The following ENTHD1 variants were observed in gnomAD, a reference collection of about 807,000 sequenced individuals.
ENTHD1 encodes the protein ENTH domain containing 1.
A neutral mutation model predicts 39.1 loss-of-function variants in ENTHD1; 23 were observed. The ratio of observed to expected loss-of-function variants is 0.59; its 90% CI spans 0.42 to 0.83. The LOEUF (loss-of-function observed/expected upper bound fraction) is 0.83, where lower values mean the gene tolerates loss of function less well. ENTHD1 is among the 40% of genes least tolerant of loss of function. The pLI is 0.00. For missense variants in ENTHD1, 624 were observed against 705.4 expected (o/e 0.88, Z 1.31); for synonymous variants, 230 against 258.2 (o/e 0.89, Z 1.05).
chr22:39,811,993 CA>C (rs1486158537), intron 5 of ENTHD1, among the ~76,000 whole-genome samples: 1 of 85,228 alleles, frequency 1.2e-5, no homozygotes, highest in African/African-American at 5.6e-5. Flanking sequence ...AAAACAAAAA[CA>C]AAAACAAACA....
In ENTHD1 at chr22:39,861,984, T is replaced by C. The variant is rs769048398; in HGVS notation, c.373A>G (p.Lys125Glu). The change falls in exon 3 of 7, where the codon AAG (lysine) becomes GAG (glutamate). Residue 125 changes from lysine to glutamate, a missense_variant. Coordinates refer to ENST00000325157, the MANE Select transcript of ENTHD1 (RefSeq NM_152512.4). Reference sequence around the variant, plus strand: ...TCCATCAGCAATGTGATGACTTGCTTAGATTTTTCCCGGATATAATAACCT... The same window carrying C: ...TCCATCAGCAATGTGATGACTTGCTCAGATTTTTCCCGGATATAATAACCT... ...DQGYYIREKS[K>E]QVITLLMDEP... 9 of 1,500,674 alleles carry C rather than the reference T, an allele frequency of 6.0e-6. No individual in the cohort carries two copies. In the South Asian group the frequency reaches 1.1e-4, roughly 19 times the overall value. 93.0% of individuals were successfully genotyped at this position (1,500,674 alleles called of 1,614,324 possible).
chr22:39,762,652 A>G (rs1052483481), intron 6 of ENTHD1, among the ~76,000 whole-genome samples: 10 of 152,134 alleles, frequency 6.6e-5, no homozygotes, highest in African/African-American at 1.4e-4. Context: ...GGGTCTCCCT[A>G]TGTTGCCCAG....
In ENTHD1 at chr22:39,840,038, AT is replaced by A. The variant is rs559384595; in HGVS notation, c.593-4081del. On this transcript the variant is annotated intron_variant, in intron 3 of 6. Coordinates refer to ENST00000325157, the MANE Select transcript of ENTHD1 (RefSeq NM_152512.4). Reference sequence around the variant, plus strand: ...TAACACTGGAAGTGAGGTGTGCTTAATTAGATTTGGTAATTACACAACATTT... The same window carrying A: ...TAACACTGGAAGTGAGGTGTGCTTAATAGATTTGGTAATTACACAACATTT... Among the ~76,000 whole-genome samples the A allele has an allele frequency of 4.8e-3, 732 of 152,296 alleles. 7 individuals are homozygous for A. Among genetic ancestry groups the A allele is most frequent in the Non-Finnish European group, 8.3e-3 (564 of 68,008 alleles).
In ENTHD1 at chr22:39,744,238, A is replaced by G. The variant is rs115302874; in HGVS notation, c.1265T>C (p.Met422Thr). 2 of 1,613,218 alleles carry G rather than the reference A, an allele frequency of 1.2e-6. No individual in the cohort carries two copies. Among genetic ancestry groups the G allele is most frequent in the African/African-American group, 2.7e-5 (2 of 74,986 alleles). ...TGGAGAGGCTAAATCAGGAGATGAC[A>G]TGGATAAAGGAGAAAAGGAAGATGC... ...EGASSFSPLSMSSPDLASPEK... is the reference protein window; with the variant it reads ...EGASSFSPLSTSSPDLASPEK... The change falls in exon 7 of 7, where the codon ATG becomes ACG. Residue 422 changes from methionine (M) to threonine (T), a missense_variant. Transcript: ENST00000325157.
rs769318998 is a variant in ENTHD1, at chr22:39,756,287, G to GTCTCTC, written c.1219+8930_1219+8935dup. Reference sequence around the variant, plus strand: ...TGTTGTTAAACCTATCAATGTCTCTGTCTCTCTCTCTCTCTCTCTCTCTCT... The same window carrying GTCTCTC: ...TGTTGTTAAACCTATCAATGTCTCTGTCTCTCTCTCTCTCTCTCTCTCTCTCTCTCT... On this transcript the variant is annotated intron_variant, in intron 6 of 6. Coordinates refer to ENST00000325157, the MANE Select transcript of ENTHD1 (RefSeq NM_152512.4). 2.8e-3 allele frequency among the ~76,000 whole-genome samples: 407 copies of GTCTCTC among 144,408 alleles called. 2 individuals carry two copies. The highest frequency in any genetic ancestry group is 9.3e-3 in the South Asian group (42 of 4,496). 94.7% of individuals were successfully genotyped at this position (144,408 alleles called of 152,430 possible).
intron 6 of ENTHD1, chr22:39,749,977 A>C (rs780897742): frequency 6.6e-6 from 1 of 152,636 alleles, no homozygotes; most frequent in Non-Finnish European, 1.5e-5. Context: ...GTGCCTCTTC[A>C]ATGGAGGATT....
At chr22:39,857,168 C>T (rs775933397) in intron 3 of ENTHD1, among the ~76,000 whole-genome samples, 1 of 151,920 alleles carries the variant, frequency 6.6e-6, no homozygotes, top group African/African-American at 2.4e-5. Context: ...TGGGGCTGGG[C>T]GCAGTGGCTC....
intron 5 of ENTHD1, among the ~76,000 whole-genome samples, chr22:39,814,950 G>C (rs2065722068): frequency 6.6e-6 from 1 of 152,018 alleles, no homozygotes; most frequent in South Asian, 2.1e-4. Flanking sequence ...TCCATACAAA[G>C]TGTAAAGACA....
At chr22:39,880,792 A>G (rs1042798116) in intron 2 of ENTHD1, among the ~76,000 whole-genome samples, 6 of 152,242 alleles carry the variant, frequency 3.9e-5, no homozygotes, top group Non-Finnish European at 8.8e-5. Flanking sequence ...AGCTGGAAAC[A>G]TGACACATGC....
intron 2 of ENTHD1, among the ~76,000 whole-genome samples, chr22:39,871,767 T>C (rs1357223123): frequency 6.6e-6 from 1 of 152,218 alleles, no homozygotes; most frequent in African/African-American, 2.4e-5. Context: ...ATTACATTTG[T>C]TGAAAAGGAA....
intron 5 of ENTHD1, among the ~76,000 whole-genome samples, chr22:39,787,453 C>A (rs1340853236): frequency 2.6e-5 from 4 of 152,170 alleles, no homozygotes; most frequent in Non-Finnish European, 5.9e-5. Flanking sequence ...AGACCAAAAG[C>A]TAGGCCTCTT....
intron 5 of ENTHD1, among the ~76,000 whole-genome samples, chr22:39,784,620 C>T (rs1174069225): frequency 6.6e-6 from 1 of 151,140 alleles, no homozygotes; most frequent in Non-Finnish European, 1.5e-5. Flanking sequence ...GAAATCTTGT[C>T]ATTTGCAGCA....
intron 4 of ENTHD1, among the ~76,000 whole-genome samples, chr22:39,829,148 G>A (rs2065847677): frequency 6.6e-6 from 1 of 152,088 alleles, no homozygotes; most frequent in Admixed American, 6.5e-5. Flanking sequence ...AGGACATATT[G>A]GAATGTAACA....
chr22:39,814,451 C>A (rs1179592013), intron 5 of ENTHD1, among the ~76,000 whole-genome samples: 1 of 151,940 alleles, frequency 6.6e-6, no homozygotes, highest in African/African-American at 2.4e-5. Flanking sequence ...CAGAGTGAGA[C>A]CTTGTCTCAG....
At chr22:39,812,865 C>A (rs1192285352) in intron 5 of ENTHD1, among the ~76,000 whole-genome samples, 1 of 152,182 alleles carries the variant, frequency 6.6e-6, no homozygotes, top group Admixed American at 6.5e-5. Flanking sequence ...TCACTGCAAC[C>A]TCTGCCTCCC....
At chr22:39,887,987 GT>G in intron 1 of ENTHD1, 84 bp from the exon 2 acceptor site, 2 of 402,626 alleles carry the variant, frequency 5.0e-6, no homozygotes, top group Non-Finnish European at 8.8e-6. Context: ...TCTAGGTTTT[GT>G]TTCTAAATCA....
chr22:39,784,468 T>A (rs908270376), intron 5 of ENTHD1, among the ~76,000 whole-genome samples: 2 of 150,758 alleles, frequency 1.3e-5, no homozygotes, highest in African/African-American at 4.9e-5. Flanking sequence ...GCAGCACTAT[T>A]CACAACAGCC....
chr22:39,766,485 C>G (rs1326658573), intron 5 of ENTHD1, among the ~76,000 whole-genome samples: 1 of 152,094 alleles, frequency 6.6e-6, no homozygotes, highest in African/African-American at 2.4e-5. Context: ...TGTAACAGCT[C>G]CATCTGAACC....
At chr22:39,816,027 T>A (rs779465791) in intron 5 of ENTHD1, among the ~76,000 whole-genome samples, 5 of 152,072 alleles carry the variant, frequency 3.3e-5, no homozygotes, top group Non-Finnish European at 7.4e-5. Flanking sequence ...GTGAGACAAG[T>A]CCCTAGTGCT....
Sources: gnomAD v4.1 joint callset for allele counts (sites outside exome capture counted in the v4.1 genomes callset) on GRCh38, gnomAD v4.1.1 for gene constraint, MANE v1.5 for transcripts, NCBI Gene and HGNC (gene_info 2026-07-23, HGNC 2026-07-21) for gene names.